Variants in SBF2 observed in about 807,000 individuals in gnomAD.
SBF2 encodes myotubularin-related protein 13.
SBF2 carries 112 observed loss-of-function variants against 225.2 expected under a neutral mutation model. That is an observed-to-expected ratio of 0.50 (90% CI 0.43 to 0.58). The LOEUF is 0.58. Ranked by LOEUF, SBF2 falls within the 20% of genes least tolerant of loss-of-function variation. The pLI is 0.00. For synonymous variants in SBF2, 763 were observed against 773.3 expected, an observed-to-expected ratio of 0.99 and a Z score of 0.22; for missense variants, 1,996 against 2,206.2, an observed-to-expected ratio of 0.90 and a Z score of 1.91.
Position 9,996,640 on chromosome 11 carries a change from C to T in SBF2, c.975+1626G>A, listed in dbSNP as rs373182472. Among the ~76,000 whole-genome samples the T allele has an allele frequency of 3.3e-4, 50 of 152,286 alleles. No individual in the cohort carries two copies. In the South Asian group the frequency reaches 3.7e-3, roughly 11 times the overall value. On this transcript the variant is annotated intron_variant, in intron 9 of 39. Coordinates refer to ENST00000256190, the MANE Select transcript of SBF2 (RefSeq NM_030962.4). ...TCCTGACCTCGTGATCTGCCTGCCT[C>T]GGCCTCCCAAAGTGCTGGGATTACA...
chr11:9,956,601 C>T (rs1455992642), intron 16 of SBF2: 6 of 133,050 alleles, frequency 4.5e-5, no homozygotes, highest in Admixed American at 3.2e-4. Context: ...TTATGTTAGG[C>T]TGATTTATAA....
At chr11:9,999,582 G>A (rs1164557725) in intron 8 of SBF2, among the ~76,000 whole-genome samples, 1 of 151,932 alleles carries the variant, frequency 6.6e-6, no homozygotes, top group African/African-American at 2.4e-5. Flanking sequence ...TTGGCCTCCC[G>A]AAGTGCTAGG....
intron 13 of SBF2, among the ~76,000 whole-genome samples, chr11:9,981,660 T>A (rs56656104): frequency 0.014 from 2,125 of 152,304 alleles, 53 homozygotes; most frequent in African/African-American, 0.048. Flanking sequence ...TGGATGCCAA[T>A]ATTATATTTA....
chr11:10,135,969 T>A (rs774402405), intron 2 of SBF2, among the ~76,000 whole-genome samples: 8 of 152,090 alleles, frequency 5.3e-5, no homozygotes, highest in Non-Finnish European at 1.2e-4. Context: ...ATAAGCAACA[T>A]AAAGACATAC....
Position 10,233,741 on chromosome 11 carries a change from A to G in SBF2, c.56-39754T>C, listed in dbSNP as rs537380339. 8.1e-4 allele frequency among the ~76,000 whole-genome samples: 123 copies of G among 152,316 alleles called. 1 individual carries two copies. Among genetic ancestry groups the G allele is most frequent in the African/African-American group, 2.8e-3 (116 of 41,576 alleles). On this transcript the variant is annotated intron_variant, in intron 1 of 39. Transcript: ENST00000256190. ...AGCTATTAGAGCCTTCAGGTTCTGC[A>G]TCAGCATTCCGGTTAAAACTATTAT...
chr11:9,963,271 T>A (rs1590621835), intron 15 of SBF2, among the ~76,000 whole-genome samples: 1 of 151,898 alleles, frequency 6.6e-6, no homozygotes, highest in Non-Finnish European at 1.5e-5. Flanking sequence ...TCAAGACCAG[T>A]CTGGCCAACA....
intron 16 of SBF2, among the ~76,000 whole-genome samples, chr11:9,944,822 G>T (rs1468011614): frequency 6.6e-6 from 1 of 152,106 alleles, no homozygotes; most frequent in Non-Finnish European, 1.5e-5. Flanking sequence ...GAATTCATGT[G>T]GTGCCAGGAG....
Position 9,917,746 on chromosome 11 carries a change from T to C in SBF2, c.1861-21735A>G, listed in dbSNP as rs150424197. On this transcript the variant is annotated intron_variant, in intron 16 of 39. Transcript: ENST00000256190. ...CTTCCTGAGGTTAGCGCGACCATTT[T>C]TGTAATATAAAGCACCACTGGAATC... 7.9e-5 allele frequency among the ~76,000 whole-genome samples: 12 copies of C among 151,618 alleles called. 1 individual carries two copies. The highest frequency in any genetic ancestry group is 4.6e-4 in the Admixed American group (7 of 15,258).
At chr11:9,938,817 A>C (rs1865065889) in intron 16 of SBF2, among the ~76,000 whole-genome samples, 1 of 152,144 alleles carries the variant, frequency 6.6e-6, no homozygotes, top group Admixed American at 6.5e-5. Flanking sequence ...TGTTCTAAAC[A>C]GACTGAAAAT....
chr11:9,923,814 T>A (rs1863820116), intron 16 of SBF2, among the ~76,000 whole-genome samples: 1 of 152,214 alleles, frequency 6.6e-6, no homozygotes, highest in Non-Finnish European at 1.5e-5. Flanking sequence ...CCACCTAAAC[T>A]TCAATCAAAT....
chr11:10,130,244 C>A (rs1953974077), intron 2 of SBF2, among the ~76,000 whole-genome samples: 1 of 151,616 alleles, frequency 6.6e-6, no homozygotes, highest in Admixed American at 6.6e-5. Flanking sequence ...CACCTGTAGT[C>A]CCAGCTACTT....
chr11:9,790,566 A>G lies in SBF2; in HGVS notation c.4688T>C (p.Leu1563Ser). The G allele has an allele frequency of 6.3e-7, 1 of 1,584,750 alleles. No individual in the cohort carries two copies. The highest frequency in any genetic ancestry group is 8.6e-7 in the Non-Finnish European group (1 of 1,156,860). The change falls in exon 34 of 40, where the codon TTG becomes TCG. Residue 1563 changes from leucine (L) to serine (S), a missense_variant. Leu to Ser is a moderately radical substitution (Grantham distance 145). Transcript: ENST00000256190. ...PIFFNYLYSP[L>S]EIEALKPNVN... ...GATTTCTTACTCTACCTCTATTTCC[A>G]ATGGTGAATATAAATAATTAAAGAA... is the stretch of plus-strand genomic sequence containing the variant.
chr11:9,884,724 A>T (rs898595415), intron 17 of SBF2, among the ~76,000 whole-genome samples: 7 of 152,188 alleles, frequency 4.6e-5, no homozygotes, highest in East Asian at 3.8e-4. Context: ...GTCTTATGGG[A>T]GGCACTGTAG....
chr11:9,860,342 A>T (rs146147156), intron 17 of SBF2, among the ~76,000 whole-genome samples: 5 of 147,154 alleles, frequency 3.4e-5, no homozygotes, highest in Admixed American at 7.0e-5. Context: ...GGCTTACTGC[A>T]GCCTCAACCT....
chr11:10,105,875 C>T (rs529534447), intron 2 of SBF2, among the ~76,000 whole-genome samples: 22 of 152,262 alleles, frequency 1.4e-4, no homozygotes, highest in African/African-American at 5.3e-4. Flanking sequence ...TCAGTGATAG[C>T]TGACAGAGGG....
In SBF2 at chr11:10,069,394, G is replaced by A. The variant is rs1188795329; in HGVS notation, c.142-26413C>T. On this transcript the variant is annotated intron_variant, in intron 2 of 39. Coordinates refer to ENST00000256190, the MANE Select transcript of SBF2 (RefSeq NM_030962.4). Reference sequence around the variant, plus strand: ...CTCATTGTTCAATTCCCACCTATGAGTGAGAACATGTGGTGTTTGGTTTTC... The same window carrying A: ...CTCATTGTTCAATTCCCACCTATGAATGAGAACATGTGGTGTTTGGTTTTC... Among the ~76,000 whole-genome samples, 16 of 142,972 alleles carry A rather than the reference G, an allele frequency of 1.1e-4. 1 individual carries two copies. In the East Asian group the frequency reaches 2.9e-3, roughly 26 times the overall value. The allele number at this position is 142,972 out of a possible 152,430, so 93.8% of individuals were successfully genotyped here.
At chr11:9,832,510 G>T (rs908036345) in intron 26 of SBF2, 90 bp from the exon 27 acceptor site, 2 of 884,256 alleles carry the variant, frequency 2.3e-6, no homozygotes, top group Non-Finnish European at 3.7e-6. Flanking sequence ...GAGGGAGACA[G>T]AGAATATAAG....
intron 1 of SBF2, among the ~76,000 whole-genome samples, chr11:10,198,817 CA>C (rs1211683761): frequency 6.6e-6 from 1 of 152,212 alleles, no homozygotes; most frequent in Non-Finnish European, 1.5e-5. Context: ...TCTTAAACCT[CA>C]TGAACCAACC....
chr11:9,920,076 A>G (rs1863481144), intron 16 of SBF2, among the ~76,000 whole-genome samples: 1 of 151,822 alleles, frequency 6.6e-6, no homozygotes, highest in Non-Finnish European at 1.5e-5. Context: ...TCTTATATAT[A>G]CCTCTAGTCC....
Sources: gnomAD v4.1 joint callset for allele counts (sites outside exome capture counted in the v4.1 genomes callset) on GRCh38, gnomAD v4.1.1 for gene constraint, MANE v1.5 for transcripts, NCBI Gene and HGNC (gene_info 2026-07-23, HGNC 2026-07-21) for gene names.